Variants in PRPF4 observed in about 807,000 individuals in gnomAD.
PRPF4 encodes pre-mRNA splicing tri-snRNP complex factor PRPF4.
Under a neutral mutation model 72.2 loss-of-function variants are expected in PRPF4, and 14 were observed. That is an observed-to-expected ratio of 0.19 (90% confidence interval 0.13 to 0.30). PRPF4 has a LOEUF of 0.30. Ranked by LOEUF, PRPF4 falls within the 10% of genes least tolerant of loss-of-function variation. The pLI is 1.00. For synonymous variants in PRPF4, 225 were observed against 232.2 expected (o/e 0.97, Z 0.28); for missense variants, 478 against 653.9 (o/e 0.73, Z 2.93).
In PRPF4 at chr9:113,286,756, C is replaced by A; in HGVS notation, c.860C>A (p.Ser287Tyr). ...AIVFHPKSTV[S>Y]LDPKDVNLAS... ...GTATTCCATCCCAAATCCACTGTCT[C>A]CTTGGACCCAAAAGATGTCAACCTG... The change falls in exon 9 of 14, where the codon TCC (serine) becomes TAC (tyrosine). Residue 287 changes from serine to tyrosine, a missense_variant. Physicochemically the swap from Ser to Tyr is moderately radical, Grantham distance 144. Transcript: ENST00000374198. The A allele has an allele frequency of 6.2e-7, 1 of 1,614,146 alleles. No individual in the cohort carries two copies. The highest frequency in any genetic ancestry group is 8.5e-7 in the Non-Finnish European group (1 of 1,180,016).
chr9:113,283,861 A>T (rs1832354778), intron 6 of PRPF4, among the ~76,000 whole-genome samples: 1 of 152,034 alleles, frequency 6.6e-6, no homozygotes, highest in Non-Finnish European at 1.5e-5. Context: ...GAGCCTCAGG[A>T]GTTTGAGACC....
chr9:113,288,398 C>A, intron 10 of PRPF4, 134 bp downstream of exon 10: 1 of 774,302 alleles, frequency 1.3e-6, no homozygotes, highest in Non-Finnish European at 2.1e-6. Context: ...GAATTGGAAT[C>A]AGAGGAGAAT....
At chr9:113,279,342 TTTG>T (rs1832203727) in intron 3 of PRPF4, among the ~76,000 whole-genome samples, 1 of 66,812 alleles carries the variant, frequency 1.5e-5, no homozygotes, top group Non-Finnish European at 3.6e-5. Flanking sequence ...TCGTTTTTGT[TTTG>T]TTTTGTTTTG....
Position 113,289,407 on chromosome 9 carries a change from C to T in PRPF4, c.1023-1059C>T, listed in dbSNP as rs114435855. 5.8e-3 allele frequency among the ~76,000 whole-genome samples: 876 copies of T among 152,284 alleles called. 6 individuals carry two copies. Among genetic ancestry groups the T allele is most frequent in the African/African-American group, 0.02 (828 of 41,556 alleles). On this transcript the variant is annotated intron_variant, in intron 10 of 13. Coordinates refer to ENST00000374198, the MANE Select transcript of PRPF4 (RefSeq NM_001244926.2). ...TATTTAACTTTTTCTAAACTCCCCA[C>T]CAGTTTTCCAAAGCGGTTACACCAT...
At chr9:113,290,626 C>T (rs1203717209) in intron 11 of PRPF4, 38 bp downstream of exon 11, 1 of 1,613,926 alleles carries the variant, frequency 6.2e-7, no homozygotes, top group African/African-American at 1.3e-5. Flanking sequence ...CAGTTCAGTA[C>T]TCTCACCTCT....
intron 4 of PRPF4, 130 bp from the exon 5 acceptor site, chr9:113,283,002 C>T: frequency 2.0e-6 from 3 of 1,508,508 alleles, no homozygotes; most frequent in African/African-American, 1.4e-5. Context: ...GTAGAAAGTC[C>T]TCTGCCTGAT....
chr9:113,283,310 T>C, intron 5 of PRPF4, 79 bp from the exon 6 acceptor site: 1 of 1,612,058 alleles, frequency 6.2e-7, no homozygotes, highest in South Asian at 1.1e-5. Context: ...TTAAATGAAA[T>C]TGAGGGGTAG....
intron 3 of PRPF4, among the ~76,000 whole-genome samples, chr9:113,282,110 C>T (rs933550637): frequency 1.3e-5 from 2 of 152,100 alleles, no homozygotes; most frequent in African/African-American, 4.8e-5. Flanking sequence ...TTGGAAATTT[C>T]CAAATAGAGA....
chr9:113,279,196 G>A (rs1832197750), intron 3 of PRPF4, 65 bp downstream of exon 3: 18 of 1,436,040 alleles, frequency 1.3e-5, no homozygotes, highest in South Asian at 2.7e-5. Flanking sequence ...CCAAATTTTG[G>A]TTGATCATTT....
rs141207203 is a variant in PRPF4, at chr9:113,291,598, G to A, written c.1504G>A (p.Asp502Asn). The change falls in exon 14 of 14, where the codon GAT (aspartate) becomes AAT (asparagine). Residue 502 changes from aspartate (D) to asparagine (N), a missense_variant. By Grantham distance (23) the Asp-to-Asn change is conservative. Coordinates refer to ENST00000374198, the MANE Select transcript of PRPF4 (RefSeq NM_001244926.2). ...GKVMGLDISS[D>N]GQLIATCSYD... is the part of the protein sequence containing the mutation. ...AGTGATGGGCCTAGATATTTCTTCC[G>A]ATGGGCAGCTCATAGCCACTTGCTC... 403 of 1,614,138 alleles carry A rather than the reference G, an allele frequency of 2.5e-4. No homozygotes were observed. The highest frequency in any genetic ancestry group is 2.8e-4 in the Non-Finnish European group (325 of 1,180,024).
At position 113,283,501 on chromosome 9, in the gene PRPF4, T is replaced by C. The variant is rs1832346048; in HGVS notation, c.654+19T>C. 3 of 1,612,340 alleles carry C rather than the reference T, an allele frequency of 1.9e-6. No homozygotes were observed. The highest frequency in any genetic ancestry group is 2.5e-6 in the Non-Finnish European group (3 of 1,178,770). ...TCTCCGGGTAAGATGCTCCCAGCAA[T>C]TGTCCCACATCTTAAAGGTTCTTCA... On this transcript the variant is annotated intron_variant, in intron 6 of 13. Transcript: ENST00000374198.
intron 10 of PRPF4, 60 bp from the exon 11 acceptor site, chr9:113,290,404 TTA>T: frequency 1.2e-6 from 2 of 1,607,798 alleles, no homozygotes; most frequent in Middle Eastern, 2.0e-4. Flanking sequence ...TTAGAATACT[TTA>T]TGTGTTGTAG....
chr9:113,280,317 A>C (rs1832239261), intron 3 of PRPF4, among the ~76,000 whole-genome samples: 2 of 151,826 alleles, frequency 1.3e-5, no homozygotes, highest in South Asian at 4.2e-4. Flanking sequence ...CTTTTTCTCT[A>C]CTTGCCCTTG....
Position 113,290,556 on chromosome 9 carries a change from C to T in PRPF4, c.1113C>T (p.Ala371=). The change falls in exon 11 of 14, where the codon GCC becomes GCT. Residue 371 remains alanine (A), a synonymous_variant. Transcript: ENST00000374198. The part of the protein sequence containing the change: ...EGHSMGVYDI[A]FHQDGSLAGT... ...ATAGCATGGGTGTGTATGACATTGCCTTCCATCAAGATGGCTCTTTGGCTG... is the reference window on the plus strand; with the variant it reads ...ATAGCATGGGTGTGTATGACATTGCTTTCCATCAAGATGGCTCTTTGGCTG... 1 of 1,614,212 alleles carries T rather than the reference C, an allele frequency of 6.2e-7. No individual in the cohort carries two copies. The highest frequency in any genetic ancestry group is 8.5e-7 in the Non-Finnish European group (1 of 1,180,034).
chr9:113,291,330 C>T, intron 13 of PRPF4, 137 bp from the exon 14 acceptor site: 1 of 857,518 alleles, frequency 1.2e-6, no homozygotes, highest in African/African-American at 1.7e-5. Flanking sequence ...GCCAAAAGAC[C>T]TTACTGTTAT....
intron 3 of PRPF4, among the ~76,000 whole-genome samples, chr9:113,281,987 A>G (rs895053025): frequency 2.6e-5 from 4 of 152,248 alleles, no homozygotes; most frequent in African/African-American, 9.6e-5. Flanking sequence ...CTGAGTCAGT[A>G]TCCAGTACAT....
intron 1 of PRPF4, 46 bp downstream of exon 1, chr9:113,275,816 G>C (rs1220144951): frequency 2.5e-6 from 4 of 1,606,520 alleles, no homozygotes; most frequent in East Asian, 2.3e-5. Flanking sequence ...GAGCGCTAAG[G>C]GGGAAGGGGA....
intron 7 of PRPF4, among the ~76,000 whole-genome samples, chr9:113,285,886 T>C (rs1832435205): frequency 6.6e-6 from 1 of 152,018 alleles, no homozygotes; most frequent in Non-Finnish European, 1.5e-5. Flanking sequence ...TTAAATACTT[T>C]GTAATCAGCA....
chr9:113,289,148 TA>T (rs1283538314), intron 10 of PRPF4, among the ~76,000 whole-genome samples: 1 of 152,258 alleles, frequency 6.6e-6, no homozygotes, highest in African/African-American at 2.4e-5. Flanking sequence ...TCTTTCAGCA[TA>T]ACATTGTTAA....
Sources: gnomAD v4.1 joint callset for allele counts (sites outside exome capture counted in the v4.1 genomes callset) on GRCh38, gnomAD v4.1.1 for gene constraint, MANE v1.5 for transcripts, NCBI Gene and HGNC (gene_info 2026-07-23, HGNC 2026-07-21) for gene names.